Variants in PAG1 observed in about 807,000 individuals in gnomAD.
PAG1 encodes phosphoprotein membrane anchor with glycosphingolipid microdomains 1, also known as phosphoprotein associated with glycosphingolipid-enriched microdomains 1.
Under a neutral mutation model 31.7 loss-of-function variants are expected in PAG1, and 23 were observed. That is an observed-to-expected ratio of 0.73 (90% CI 0.52 to 1.03). The LOEUF (loss-of-function observed/expected upper bound fraction) is 1.03. Ranked by LOEUF, PAG1 falls within the 50% of genes least tolerant of loss-of-function variation. The pLI is 0.00. For synonymous variants in PAG1, 214 were observed against 210.3 expected, an observed-to-expected ratio of 1.02 and a Z score of -0.15; for missense variants, 473 against 540.7, an observed-to-expected ratio of 0.87 and a Z score of 1.24.
intron 5 of PAG1, among the ~76,000 whole-genome samples, chr8:80,989,761 G>C (rs990704914): frequency 2.0e-5 from 3 of 152,086 alleles, no homozygotes; most frequent in Non-Finnish European, 4.4e-5. Flanking sequence ...CATACAACTG[G>C]ATCACCTGGG....
intron 7 of PAG1, among the ~76,000 whole-genome samples, chr8:80,982,135 C>T (rs1485586378): frequency 2.0e-5 from 3 of 152,074 alleles, no homozygotes; most frequent in Non-Finnish European, 4.4e-5. Context: ...CAAAGTGTTA[C>T]GATTACAGGC....
intron 1 of PAG1, among the ~76,000 whole-genome samples, chr8:81,083,033 C>G (rs1269902709): frequency 6.6e-6 from 1 of 151,730 alleles, no homozygotes; most frequent in Non-Finnish European, 1.5e-5. Context: ...CTTACTTAAA[C>G]TTTCTATTTT....
At chr8:81,018,674 GCTT>G (rs770857691) in intron 3 of PAG1, among the ~76,000 whole-genome samples, 3 of 152,206 alleles carry the variant, frequency 2.0e-5, no homozygotes, top group Non-Finnish European at 4.4e-5. Context: ...ACAGGCCTTT[GCTT>G]CTTCTTTGCC....
chr8:81,011,966 G>A (rs1807993736), intron 3 of PAG1, among the ~76,000 whole-genome samples: 1 of 152,212 alleles, frequency 6.6e-6, no homozygotes, highest in African/African-American at 2.4e-5. Flanking sequence ...ATCGTCTGTT[G>A]AGGTTTCTTT....
chr8:81,005,558 T>C (rs907981654), intron 3 of PAG1, among the ~76,000 whole-genome samples: 3 of 152,172 alleles, frequency 2.0e-5, no homozygotes, highest in African/African-American at 4.8e-5. Flanking sequence ...CAAAAAGACC[T>C]TGGACCCGAT....
At chr8:81,063,912 C>T (rs1312172057) in intron 2 of PAG1, among the ~76,000 whole-genome samples, 2 of 152,130 alleles carry the variant, frequency 1.3e-5, no homozygotes, top group Non-Finnish European at 2.9e-5. Flanking sequence ...GGAATTTGAT[C>T]TAAGGGCAGG....
chr8:81,109,594 C>CAGCAGCAATTCAATGTCCAT (rs1586225769), intron 1 of PAG1, among the ~76,000 whole-genome samples: 1 of 152,338 alleles, frequency 6.6e-6, no homozygotes, highest in African/African-American at 2.4e-5. Flanking sequence ...TAATATTCAT[C>CAGCAGCAATTCAATGTCCAT]AGCAGCAATT....
chr8:81,034,440 A>G (rs1038241449), intron 2 of PAG1, among the ~76,000 whole-genome samples: 75 of 152,356 alleles, frequency 4.9e-4, no homozygotes, highest in Non-Finnish European at 2.2e-4. Context: ...TGCTGCAGCA[A>G]TATTTCCCAC....
At chr8:81,042,636 G>A (rs1310304423) in intron 2 of PAG1, among the ~76,000 whole-genome samples, 1 of 152,044 alleles carries the variant, frequency 6.6e-6, no homozygotes, top group East Asian at 1.9e-4. Context: ...GTGTATGTGT[G>A]TGTAAAAGAG....
intron 3 of PAG1, among the ~76,000 whole-genome samples, chr8:80,997,591 C>A (rs1377103690): frequency 6.6e-6 from 1 of 152,204 alleles, no homozygotes; most frequent in East Asian, 1.9e-4. Context: ...TCTTATCAGA[C>A]CACATGTGTA....
chr8:80,981,718 A>G (rs985673106), intron 7 of PAG1, among the ~76,000 whole-genome samples: 6 of 151,906 alleles, frequency 3.9e-5, no homozygotes, highest in Admixed American at 3.9e-4. Flanking sequence ...GTCTCCACAT[A>G]CCTATGTGTG....
At chr8:81,046,524 G>A (rs1808644291) in intron 2 of PAG1, among the ~76,000 whole-genome samples, 2 of 152,144 alleles carry the variant, frequency 1.3e-5, no homozygotes, top group South Asian at 2.1e-4. Flanking sequence ...GTACAGGACA[G>A]ACCTATAGCA....
intron 1 of PAG1, among the ~76,000 whole-genome samples, chr8:81,085,481 C>A (rs1809335808): frequency 6.6e-6 from 1 of 152,174 alleles, no homozygotes; most frequent in Admixed American, 6.5e-5. Context: ...CAAGCCCATT[C>A]CTAGAATAAC....
In PAG1 at chr8:80,968,894, T is replaced by A. The variant is rs1321092849; in HGVS notation, c.*7650A>T. The A allele has an allele frequency of 6.6e-6, 1 of 152,204 alleles. No homozygotes were observed. The highest frequency in any genetic ancestry group is 2.1e-4 in the South Asian group (1 of 4,826). 9.4% of individuals were successfully genotyped at this position (152,204 alleles called of 1,614,324 possible). On this transcript the variant is annotated 3_prime_UTR_variant, in exon 9 of 9. Coordinates refer to ENST00000220597, the MANE Select transcript of PAG1 (RefSeq NM_018440.4). Reference sequence around the variant, plus strand: ...GGCCAACACATTTCTCAGAGAGACATGAGAACTGAGACACACAGGGGCAGC... The same window carrying A: ...GGCCAACACATTTCTCAGAGAGACAAGAGAACTGAGACACACAGGGGCAGC...
Position 80,984,858 on chromosome 8 carries a change from A to G in PAG1, c.794T>C (p.Leu265Pro), listed in dbSNP as rs1296271648. The change falls in exon 7 of 9, where the codon CTG becomes CCG. Residue 265 changes from leucine to proline, a missense_variant. By Grantham distance (98) the Leu-to-Pro change is moderately conservative. Transcript: ENST00000220597. ...CTCCTGAAGGTTTTCATTCTCGTCC[A>G]GAAGCTTAACAGGGACAGGTGGTGG... Reference protein sequence around the residue: ...EAPPPVPVKLLDENENLQEKE... With the variant: ...EAPPPVPVKLPDENENLQEKE... 6.2e-7 allele frequency: 1 copy of G among 1,614,114 alleles called. No individual in the cohort carries two copies. Among genetic ancestry groups the G allele is most frequent in the Non-Finnish European group, 8.5e-7 (1 of 1,179,990 alleles).
At chr8:80,992,910 T>C (rs973590592) in intron 4 of PAG1, among the ~76,000 whole-genome samples, 193 bp downstream of exon 4, 1 of 152,152 alleles carries the variant, frequency 6.6e-6, no homozygotes, top group African/African-American at 2.4e-5. Context: ...AAACCAAATA[T>C]GGGTTTTCCT....
At chr8:81,053,373 ATTCT>A (rs1473722043) in intron 2 of PAG1, among the ~76,000 whole-genome samples, 1 of 152,142 alleles carries the variant, frequency 6.6e-6, no homozygotes, top group Non-Finnish European at 1.5e-5. Flanking sequence ...ACTTTCTAGC[ATTCT>A]TTAATTCTTA....
chr8:81,048,262 T>A (rs1808673733), intron 2 of PAG1, among the ~76,000 whole-genome samples: 1 of 152,100 alleles, frequency 6.6e-6, no homozygotes, highest in Non-Finnish European at 1.5e-5. Flanking sequence ...CATCAAATAT[T>A]ATATTACCTG....
chr8:80,999,603 C>T (rs1043346209), intron 3 of PAG1, among the ~76,000 whole-genome samples: 16 of 152,342 alleles, frequency 1.1e-4, no homozygotes, highest in Admixed American at 2.0e-4. Flanking sequence ...TCATGGCTGT[C>T]TGTCAGCATA....
Sources: allele counts gnomAD v4.1 joint callset (sites outside exome capture counted in the v4.1 genomes callset), GRCh38; gene constraint gnomAD v4.1.1; transcripts MANE v1.5; gene names NCBI Gene and HGNC (gene_info 2026-07-23, HGNC 2026-07-21).